The following TMEM266 variants were observed in gnomAD, a reference collection of about 807,000 sequenced individuals.
The protein encoded by TMEM266 is transmembrane protein 266.
A neutral mutation model predicts 50.5 loss-of-function variants in TMEM266; 33 were observed. That is an observed-to-expected ratio of 0.65 (90% CI 0.50 to 0.87). TMEM266 has a LOEUF of 0.87. Among genes scored for constraint, TMEM266 ranks in the 40% least tolerant of loss-of-function variants. The pLI is 0.00. For synonymous variants in TMEM266, 310 were observed against 292.3 expected, an observed-to-expected ratio of 1.06 and a Z score of -0.62; for missense variants, 655 against 695.1, an observed-to-expected ratio of 0.94 and a Z score of 0.65.
At chr15:76,190,282 CAGA>C (rs1214023733) in intron 8 of TMEM266, among the ~76,000 whole-genome samples, 2 of 152,184 alleles carry the variant, frequency 1.3e-5, no homozygotes, top group Admixed American at 6.5e-5. Context: ...TTTACAGAAC[CAGA>C]AGAAGGATTG....
chr15:76,184,730 C>T (rs1212284936), intron 8 of TMEM266, among the ~76,000 whole-genome samples: 1 of 152,194 alleles, frequency 6.6e-6, no homozygotes, highest in Non-Finnish European at 1.5e-5. Flanking sequence ...CCTGCCGCCC[C>T]GGTGGGTCTG....
intron 1 of TMEM266, among the ~76,000 whole-genome samples, chr15:76,133,095 C>T (rs537016245): frequency 1.8e-3 from 273 of 151,764 alleles, no homozygotes; most frequent in Non-Finnish European, 3.0e-3. Context: ...CACCACTGTG[C>T]TCCAGCCTGG....
intron 9 of TMEM266, among the ~76,000 whole-genome samples, chr15:76,196,670 A>G (rs1247066279): frequency 6.6e-6 from 1 of 151,194 alleles, no homozygotes; most frequent in Non-Finnish European, 1.5e-5. Flanking sequence ...ATGAGCTGTG[A>G]GTCACAGAGC....
At chr15:76,080,553 G>A (rs1184214490) in intron 1 of TMEM266, among the ~76,000 whole-genome samples, 2 of 151,170 alleles carry the variant, frequency 1.3e-5, no homozygotes, top group African/African-American at 2.4e-5. Context: ...CCTGCCAAAG[G>A]CACCATTTCA....
At chr15:76,195,812 C>T (rs562015476) in intron 9 of TMEM266, among the ~76,000 whole-genome samples, 12 of 152,360 alleles carry the variant, frequency 7.9e-5, no homozygotes, top group Admixed American at 2.6e-4. Context: ...AGACCCTGAA[C>T]GCCAGATGCC....
chr15:76,177,341 C>A (rs554889643), intron 8 of TMEM266, among the ~76,000 whole-genome samples: 6 of 152,298 alleles, frequency 3.9e-5, no homozygotes, highest in African/African-American at 1.4e-4. Flanking sequence ...TATTCTGTTG[C>A]GGGTCTTGGT....
At chr15:76,131,101 G>A (rs2037504014) in intron 1 of TMEM266, among the ~76,000 whole-genome samples, 1 of 152,228 alleles carries the variant, frequency 6.6e-6, no homozygotes, top group African/African-American at 2.4e-5. Flanking sequence ...TTGGGGCTAG[G>A]CATGGTGTCT....
chr15:76,070,857 A>G (rs1596083734), intron 1 of TMEM266, among the ~76,000 whole-genome samples: 1 of 152,288 alleles, frequency 6.6e-6, no homozygotes, highest in African/African-American at 2.4e-5. Context: ...AGGGTCCTCC[A>G]ATGCTAGGCC....
intron 4 of TMEM266, among the ~76,000 whole-genome samples, chr15:76,158,836 AG>A: frequency 6.6e-6 from 1 of 152,222 alleles, no homozygotes; most frequent in Non-Finnish European, 1.5e-5. Flanking sequence ...GCCCAAAGCC[AG>A]GGGGCCTCAG....
At chr15:76,111,446 T>C (rs1988645) in intron 1 of TMEM266, among the ~76,000 whole-genome samples, 61,115 of 151,776 alleles carry the variant, frequency 0.4, 13,345 homozygotes, top group East Asian at 0.61. Context: ...TATCTTTGCT[T>C]GCCTCTAGTA....
intron 1 of TMEM266, among the ~76,000 whole-genome samples, chr15:76,106,395 C>A (rs1222168240): frequency 6.6e-6 from 1 of 152,050 alleles, no homozygotes; most frequent in African/African-American, 2.4e-5. Flanking sequence ...TTATAGTATA[C>A]AACATAATGT....
At chr15:76,066,863 A>G (rs1375055519) in intron 1 of TMEM266, among the ~76,000 whole-genome samples, 2 of 152,030 alleles carry the variant, frequency 1.3e-5, no homozygotes, top group Non-Finnish European at 2.9e-5. Flanking sequence ...CAACTTCAAC[A>G]CTGTTGACAC....
chr15:76,149,439 C>A (rs137965370), intron 3 of TMEM266, among the ~76,000 whole-genome samples: 2 of 152,272 alleles, frequency 1.3e-5, no homozygotes, highest in African/African-American at 4.8e-5. Flanking sequence ...CATATGAGAA[C>A]CATGCCTGGA....
intron 1 of TMEM266, among the ~76,000 whole-genome samples, chr15:76,077,335 A>G (rs1014245604): frequency 6.6e-6 from 1 of 151,938 alleles, no homozygotes; most frequent in African/African-American, 2.4e-5. Flanking sequence ...TGGAAATAAG[A>G]TTGTCTTAAT....
At chr15:76,143,219 C>A (rs1204425595) in intron 3 of TMEM266, among the ~76,000 whole-genome samples, 4 of 152,170 alleles carry the variant, frequency 2.6e-5, no homozygotes, top group African/African-American at 4.8e-5. Context: ...AGTCTCGTGT[C>A]CTCCCCTGAC....
At position 76,203,872 on chromosome 15, in the gene TMEM266, A is replaced by G; in HGVS notation, c.1153A>G (p.Thr385Ala). The change falls in exon 11 of 11, where the codon ACC (threonine) becomes GCC (alanine). Residue 385 changes from threonine (T) to alanine (A), a missense_variant. Physicochemically the swap from Thr to Ala is moderately conservative, Grantham distance 58 (BLOSUM62 0). Around this residue, in one of 3 missense-constraint regions of TMEM266, gnomAD observed 455 missense variants for 401.8 expected, o/e 1.13. Transcript: ENST00000388942. ...ACTCGGCGGTAATGGCACCAGCGCC[A>G]CCTCGGAGAGTGCCTCCCGCAGCTC... The G allele has an allele frequency of 6.2e-7, 1 of 1,614,146 alleles. No individual in the cohort carries two copies.
Position 76,191,873 on chromosome 15 carries a change from C to A in TMEM266, c.769-95C>A, listed in dbSNP as rs1013243560. The A allele has an allele frequency of 1.3e-5, 16 of 1,197,346 alleles. No homozygotes were observed. The South Asian group carries it at 2.5e-4, about 19-fold the overall frequency. 74.2% of individuals were successfully genotyped at this position (1,197,346 alleles called of 1,614,324 possible). Reference sequence around the variant, plus strand: ...GAGGCTCAGCCCAGTCCTCCCCACCCCGCCCCCATGCAGGAGCAAAGCGCC... The same window carrying A: ...GAGGCTCAGCCCAGTCCTCCCCACCACGCCCCCATGCAGGAGCAAAGCGCC... On this transcript the variant is annotated intron_variant, in intron 8 of 10. Coordinates refer to ENST00000388942, the MANE Select transcript of TMEM266 (RefSeq NM_152335.3).
At chr15:76,108,571 C>T (rs2037121401) in intron 1 of TMEM266, among the ~76,000 whole-genome samples, 1 of 152,134 alleles carries the variant, frequency 6.6e-6, no homozygotes, top group Non-Finnish European at 1.5e-5. Context: ...GGACCCGGGA[C>T]CGCACTTTGA....
rs1456645351 is a variant in TMEM266 at position 76,153,895 on chromosome 15, G to A, written c.228-2709G>A. ...GCCGCTGGCACTGCTGCGGGCAGCA[G>A]CTTTAGGCTTCTGGGAGCCTCCAGC... is the stretch of plus-strand genomic sequence containing the variant. On this transcript the variant is annotated intron_variant, in intron 3 of 10. Transcript: ENST00000388942. This position sits in a 1 kb window ranked among gnomAD's most constrained non-coding sequence, Gnocchi z 4.2. 6.6e-6 allele frequency among the ~76,000 whole-genome samples: 1 copy of A among 152,194 alleles called. No individual in the cohort carries two copies. Among genetic ancestry groups the A allele is most frequent in the Non-Finnish European group, 1.5e-5 (1 of 68,036 alleles).
Sources: allele counts gnomAD v4.1 joint callset (sites outside exome capture counted in the v4.1 genomes callset), GRCh38; gene constraint gnomAD v4.1.1; regional missense constraint gnomAD v4.1.1; non-coding constraint Gnocchi (gnomAD v3.1); transcripts MANE v1.5; gene names NCBI Gene and HGNC (gene_info 2026-07-23, HGNC 2026-07-21).